DYNC2LI1: variants seen among roughly 807,000 people sequenced by gnomAD.
DYNC2LI1 encodes the protein dynein cytoplasmic 2 light intermediate chain 1, also known as cytoplasmic dynein 2 light intermediate chain 1.
Under a neutral mutation model 51.9 loss-of-function variants are expected in DYNC2LI1, and 45 were observed. The observed-to-expected ratio is 0.87, with a 90% confidence interval of 0.68 to 1.11. The LOEUF is 1.11. DYNC2LI1 is among the 50% of genes most tolerant of loss of function. DYNC2LI1 has a pLI of 0.00. For synonymous variants in DYNC2LI1, 130 were observed against 137.8 expected (o/e 0.94, Z 0.40); for missense variants, 490 against 417.4 (o/e 1.17, Z -1.51).
chr2:43,826,597 C>G, the DYNC2LI1 span: 4 of 1,602,388 alleles, frequency 2.5e-6, no homozygotes, highest in South Asian at 4.4e-5. Context: ...GAGTTCTGAA[C>G]TGTTCCTTAT....
At chr2:43,812,652 T>G, downstream of DYNC2LI1, 1 of 188,966 alleles carries the variant, frequency 5.3e-6, no homozygotes, top group East Asian at 1.4e-4. Flanking sequence ...AGAAGCATTC[T>G]TACCCAATTC....
intron 12 of DYNC2LI1, among the ~76,000 whole-genome samples, chr2:43,806,067 A>T (rs1435496623): frequency 6.6e-6 from 1 of 151,956 alleles, no homozygotes; most frequent in African/African-American, 2.4e-5. Context: ...CTTTTTTAGT[A>T]GAAACGGGGT....
intron 2 of DYNC2LI1, among the ~76,000 whole-genome samples, chr2:43,778,744 C>A (rs1673138876): frequency 1.3e-5 from 2 of 152,198 alleles, no homozygotes. Context: ...TTAGCGCTCT[C>A]TGTAACAGTT....
In DYNC2LI1 at chr2:43,776,828, A is replaced by AT; in HGVS notation, c.57dup (p.Asn20Ter). The AT allele has an allele frequency of 6.2e-7, 1 of 1,603,216 alleles. No individual in the cohort carries two copies. The highest frequency in any genetic ancestry group is 1.7e-5 in the Admixed American group (1 of 58,440). On this transcript the variant is annotated frameshift_variant, in exon 2 of 13. Coordinates refer to ENST00000260605, the MANE Select transcript of DYNC2LI1 (RefSeq NM_016008.4). LOFTEE classifies it high-confidence loss of function. ...AAAAGCTGAAGTGGAAAAAAGGGGA[A>AT]TTAATGGAAGTGAAGGTGATGGAGC...
At chr2:43,824,863 A>T in the DYNC2LI1 span, 8 of 1,613,038 alleles carry the variant, frequency 5.0e-6, no homozygotes, top group Non-Finnish European at 6.8e-6. Context: ...AACATTCATG[A>T]TGGGGAATGT....
the DYNC2LI1 span, among the ~76,000 whole-genome samples, chr2:43,823,655 C>T: frequency 2.0e-5 from 3 of 152,130 alleles, no homozygotes; most frequent in Admixed American, 2.0e-4. Context: ...TTGAAAAACT[C>T]CTCAAACTCT....
rs1170247607 is a variant in DYNC2LI1 at position 43,805,342 on chromosome 2, T to G, written c.993+96T>G. The G allele has an allele frequency of 6.0e-6, 4 of 663,504 alleles. No homozygotes were observed. The East Asian group carries it at 1.1e-4, about 19-fold the overall frequency. The allele number at this position is 663,504 out of a possible 1,614,324, so 41.1% of individuals were successfully genotyped here. A position where few individuals can be genotyped will look rare whatever the true frequency, so the allele number is the denominator to read the frequency against. ...CTTACATTTTTCTCTATGTATTTAC[T>G]TAGAGTATCTTCTTTACTATTAAAA... On this transcript the variant is annotated intron_variant, in intron 12 of 12. Transcript: ENST00000260605.
intron 12 of DYNC2LI1, among the ~76,000 whole-genome samples, chr2:43,806,546 G>T (rs1666263451): frequency 6.6e-6 from 1 of 152,174 alleles, no homozygotes; most frequent in South Asian, 2.1e-4. Context: ...ATGACCTTAT[G>T]TAACCCTTAT....
the DYNC2LI1 span, among the ~76,000 whole-genome samples, chr2:43,817,573 C>T: frequency 6.6e-6 from 1 of 152,168 alleles, no homozygotes; most frequent in South Asian, 2.1e-4. Context: ...GATGGGGTTA[C>T]TTCCAGATAA....
the DYNC2LI1 span, chr2:43,822,695 T>C: frequency 4.8e-6 from 7 of 1,466,964 alleles, no homozygotes; most frequent in East Asian, 1.0e-4. Flanking sequence ...GTGTAGATCC[T>C]CCAGAGCAGA....
chr2:43,804,148 T>A (rs60567147), intron 10 of DYNC2LI1, among the ~76,000 whole-genome samples: 2,181 of 152,342 alleles, frequency 0.014, 55 homozygotes, highest in African/African-American at 0.049. Context: ...AGTTTTTCCA[T>A]ATTAATGCTG....
intron 3 of DYNC2LI1, among the ~76,000 whole-genome samples, chr2:43,785,898 TAAC>T (rs928208115): frequency 1.3e-5 from 2 of 151,892 alleles, no homozygotes; most frequent in African/African-American, 4.8e-5. Context: ...ATTAGTTACA[TAAC>T]AACGTGAATA....
the DYNC2LI1 span, among the ~76,000 whole-genome samples, chr2:43,823,400 T>C: frequency 3.3e-5 from 5 of 151,090 alleles, 1 homozygote; most frequent in East Asian, 3.9e-4. Flanking sequence ...AACTTCACAA[T>C]AGCGAAGTCC....
intron 6 of DYNC2LI1, among the ~76,000 whole-genome samples, chr2:43,795,650 G>A (rs182856065): frequency 6.6e-6 from 1 of 152,060 alleles, no homozygotes; most frequent in East Asian, 1.9e-4. Context: ...AAATAAAAGG[G>A]TAGAAAAAGG....
chr2:43,774,065 C>G lies in DYNC2LI1; in HGVS notation c.-74C>G, dbSNP rs926370805. On this transcript the variant is annotated 5_prime_UTR_variant, in exon 1 of 13. Coordinates refer to ENST00000260605, the MANE Select transcript of DYNC2LI1 (RefSeq NM_016008.4). The stretch of plus-strand genomic sequence containing the variant: ...GAAGGCCTCACTCCCAGACTCCTTG[C>G]GGAGCTCGCCGCCTGATTCTAGGCT... 5 of 1,600,712 alleles carry G rather than the reference C, an allele frequency of 3.1e-6. No individual in the cohort carries two copies. Among genetic ancestry groups the G allele is most frequent in the Non-Finnish European group, 4.3e-6 (5 of 1,173,654 alleles).
At chr2:43,804,174 C>T (rs1666162891) in intron 10 of DYNC2LI1, among the ~76,000 whole-genome samples, 1 of 152,064 alleles carries the variant, frequency 6.6e-6, no homozygotes, top group Non-Finnish European at 1.5e-5. Flanking sequence ...GGGTCTATTT[C>T]TTATTTTAAC....
chr2:43,821,617 G>A, the DYNC2LI1 span, among the ~76,000 whole-genome samples: 1 of 152,168 alleles, frequency 6.6e-6, no homozygotes, highest in Non-Finnish European at 1.5e-5. Flanking sequence ...AATGGAAGGT[G>A]TGCTGGACAA....
At chr2:43,796,958 C>T (rs2104700957) in intron 8 of DYNC2LI1, among the ~76,000 whole-genome samples, 163 bp downstream of exon 8, 1 of 152,286 alleles carries the variant, frequency 6.6e-6, no homozygotes, top group South Asian at 2.1e-4. Context: ...TTTGATAATG[C>T]ATCTGTTGAA....
the DYNC2LI1 span, chr2:43,822,641 A>G: frequency 2.0e-6 from 2 of 982,748 alleles, no homozygotes; most frequent in Non-Finnish European, 2.4e-6. Context: ...AATAAAATTA[A>G]TGTCCTGGAA....
Sources: allele counts gnomAD v4.1 joint callset (sites outside exome capture counted in the v4.1 genomes callset), GRCh38; gene constraint gnomAD v4.1.1; transcripts MANE v1.5; gene names NCBI Gene and HGNC (gene_info 2026-07-23, HGNC 2026-07-21).